SCFD2: variants seen among roughly 807,000 people sequenced by gnomAD.
The protein encoded by SCFD2 is sec1 family domain containing 2, also known as sec1 family domain-containing protein 2.
A neutral mutation model predicts 58.9 loss-of-function variants in SCFD2; 54 were observed. The ratio of observed to expected loss-of-function variants is 0.92; its 90% CI spans 0.74 to 1.15. The LOEUF is 1.15. SCFD2 is among the 50% of genes most tolerant of loss of function. The pLI is 0.00. For missense variants in SCFD2, 805 were observed against 836.6 expected, an observed-to-expected ratio of 0.96 and a Z score of 0.47; for synonymous variants, 321 against 335.9, an observed-to-expected ratio of 0.96 and a Z score of 0.49.
At chr4:53,191,709 A>G (rs1487367245) in intron 4 of SCFD2, among the ~76,000 whole-genome samples, 1 of 152,194 alleles carries the variant, frequency 6.6e-6, no homozygotes, top group Non-Finnish European at 1.5e-5. Flanking sequence ...CTGGCTGGTT[A>G]TATGTTCTCT....
intron 2 of SCFD2, among the ~76,000 whole-genome samples, chr4:53,320,391 C>T (rs547064042): frequency 3.3e-5 from 5 of 152,264 alleles, no homozygotes; most frequent in South Asian, 4.1e-4. Context: ...CCAAGGCAGG[C>T]GGATCACCTG....
chr4:53,216,413 G>T (rs945771097), intron 4 of SCFD2, among the ~76,000 whole-genome samples: 90 of 152,268 alleles, frequency 5.9e-4, no homozygotes, highest in African/African-American at 2.0e-3. Flanking sequence ...ATTTCTTCTA[G>T]ATTTTCTAGT....
intron 2 of SCFD2, among the ~76,000 whole-genome samples, chr4:53,323,470 C>T (rs1285482960): frequency 1.3e-5 from 2 of 151,294 alleles, no homozygotes; most frequent in Non-Finnish European, 2.9e-5. Context: ...ACTTCCTGGA[C>T]CAAGTGACCC....
chr4:53,083,592 T>C (rs1043111549), intron 5 of SCFD2, among the ~76,000 whole-genome samples: 28 of 152,172 alleles, frequency 1.8e-4, no homozygotes, highest in African/African-American at 6.5e-4. Flanking sequence ...ATTAAAAAGA[T>C]CATTCATCAT....
intron 8 of SCFD2, among the ~76,000 whole-genome samples, chr4:52,874,621 G>T (rs1170246804): frequency 6.6e-6 from 1 of 152,170 alleles, no homozygotes; most frequent in East Asian, 1.9e-4. Context: ...CAAGATCAAG[G>T]TGTTGGCAGG....
intron 7 of SCFD2, among the ~76,000 whole-genome samples, chr4:52,893,915 C>G (rs567423037): frequency 1.3e-5 from 2 of 152,300 alleles, no homozygotes; most frequent in South Asian, 2.1e-4. Flanking sequence ...CTTGGGCTCC[C>G]CAGGACATCC....
chr4:53,139,278 GC>G (rs1726040834), intron 5 of SCFD2, among the ~76,000 whole-genome samples: 1 of 152,190 alleles, frequency 6.6e-6, no homozygotes, highest in South Asian at 2.1e-4. Flanking sequence ...TGCAACCTCT[GC>G]CCGGCCGCCA....
At chr4:53,236,466 A>ATATATATATG (rs1729614769) in intron 4 of SCFD2, among the ~76,000 whole-genome samples, 1 of 149,964 alleles carries the variant, frequency 6.7e-6, no homozygotes, top group East Asian at 1.9e-4. Flanking sequence ...ATATATATAT[A>ATATATATATG]TATCCCATTA....
intron 5 of SCFD2, among the ~76,000 whole-genome samples, chr4:52,996,697 T>C (rs749631369): frequency 3.3e-5 from 5 of 152,210 alleles, no homozygotes; most frequent in Non-Finnish European, 5.9e-5. Context: ...CTGTGAATGA[T>C]TTATGATTCT....
chr4:52,974,805 C>T (rs1721206992), intron 5 of SCFD2, among the ~76,000 whole-genome samples: 1 of 152,050 alleles, frequency 6.6e-6, no homozygotes, highest in African/African-American at 2.4e-5. Context: ...CAGCATGGTA[C>T]TGGTACCAAA....
intron 2 of SCFD2, among the ~76,000 whole-genome samples, chr4:53,352,137 T>A (rs1391574754): frequency 6.6e-6 from 1 of 152,138 alleles, no homozygotes. Context: ...TCTAAGCATG[T>A]GAAAAAAAAT....
chr4:53,330,701 C>A lies in SCFD2; in HGVS notation c.1008-16938G>T, dbSNP rs1375572250. On this transcript the variant is annotated intron_variant, in intron 2 of 8. Transcript: ENST00000401642. ...AACTGCATCAACTAACGAGCAAAATCACCAGCTAACATCATAATGACAGGA... is the reference window on the plus strand; with the variant it reads ...AACTGCATCAACTAACGAGCAAAATAACCAGCTAACATCATAATGACAGGA... 2.1e-4 allele frequency among the ~76,000 whole-genome samples: 32 copies of A among 151,928 alleles called. 1 individual carries two copies. Among genetic ancestry groups the A allele is most frequent in the African/African-American group, 7.2e-4 (30 of 41,460 alleles).
intron 1 of SCFD2, among the ~76,000 whole-genome samples, chr4:53,361,284 T>C (rs1323143213): frequency 6.6e-6 from 1 of 152,226 alleles, no homozygotes; most frequent in Non-Finnish European, 1.5e-5. Flanking sequence ...ACTCTTATGC[T>C]TTTTTTAGTA....
intron 4 of SCFD2, among the ~76,000 whole-genome samples, chr4:53,204,553 CAA>C (rs1728350851): frequency 1.3e-5 from 2 of 150,388 alleles, no homozygotes; most frequent in South Asian, 2.1e-4. Flanking sequence ...AAATAACAAA[CAA>C]GAGGAAAAAG....
chr4:53,055,787 T>C (rs989603812), intron 5 of SCFD2, among the ~76,000 whole-genome samples: 6 of 152,126 alleles, frequency 3.9e-5, no homozygotes, highest in African/African-American at 7.2e-5. Context: ...TTTTAGGCAA[T>C]CTTGGGCACA....
At chr4:53,270,119 G>C (rs944705091) in intron 4 of SCFD2, among the ~76,000 whole-genome samples, 10 of 152,146 alleles carry the variant, frequency 6.6e-5, no homozygotes, top group African/African-American at 2.4e-4. Flanking sequence ...ATTTGTATGT[G>C]TGTGTGTGCA....
chr4:53,055,371 A>G (rs1723306818), intron 5 of SCFD2, among the ~76,000 whole-genome samples: 1 of 152,164 alleles, frequency 6.6e-6, no homozygotes, highest in Non-Finnish European at 1.5e-5. Context: ...CGACAGGCAG[A>G]AAAGTGGCAT....
At chr4:53,097,397 A>G (rs1051803203) in intron 5 of SCFD2, among the ~76,000 whole-genome samples, 2 of 152,030 alleles carry the variant, frequency 1.3e-5, no homozygotes, top group Admixed American at 6.6e-5. Flanking sequence ...TCATTGAGCA[A>G]TGGTTTGTAG....
chr4:52,998,713 T>C (rs1351454813), intron 5 of SCFD2, among the ~76,000 whole-genome samples: 1 of 152,106 alleles, frequency 6.6e-6, no homozygotes, highest in African/African-American at 2.4e-5. Flanking sequence ...GAGTCACAAA[T>C]GGACTGCGCA....
Sources: allele counts gnomAD v4.1 joint callset (sites outside exome capture counted in the v4.1 genomes callset), GRCh38; gene constraint gnomAD v4.1.1; transcripts MANE v1.5; gene names NCBI Gene and HGNC (gene_info 2026-07-23, HGNC 2026-07-21).